The following IQGAP2 variants were observed in gnomAD, a reference collection of about 807,000 sequenced individuals.
The protein encoded by IQGAP2 is IQ motif containing GTPase activating protein 2, also known as ras GTPase-activating-like protein IQGAP2.
In IQGAP2, 173 loss-of-function variants were observed where a neutral mutation model predicts 201.3. That is an observed-to-expected ratio of 0.86 (90% CI 0.76 to 0.98). The LOEUF (loss-of-function observed/expected upper bound fraction) is 0.98. Ranked by LOEUF, IQGAP2 falls within the 50% of genes least tolerant of loss-of-function variation. IQGAP2 has a pLI of 0.00. For missense variants in IQGAP2, 1,687 were observed against 1,864.8 expected (o/e 0.90, Z 1.76); for synonymous variants, 675 against 673.9 (o/e 1.00, Z -0.03).
intron 12 of IQGAP2, chr5:76,608,140 A>G (rs181862116): frequency 1.3e-5 from 2 of 152,326 alleles, no homozygotes; most frequent in Admixed American, 1.3e-4. Flanking sequence ...GTCTTTTGTA[A>G]GTAGATATTA....
intron 14 of IQGAP2, among the ~76,000 whole-genome samples, chr5:76,630,737 G>A (rs1750629828): frequency 6.6e-6 from 1 of 152,020 alleles, no homozygotes; most frequent in African/African-American, 2.4e-5. Context: ...ATCCTACAAA[G>A]CTTTCCTGGA....
intron 4 of IQGAP2, among the ~76,000 whole-genome samples, chr5:76,573,855 C>G (rs972380674): frequency 6.6e-6 from 1 of 151,368 alleles, no homozygotes; most frequent in Non-Finnish European, 1.5e-5. Flanking sequence ...AACTCCTGAC[C>G]TCACGTGATC....
At chr5:76,487,672 T>A (rs960400437) in intron 2 of IQGAP2, among the ~76,000 whole-genome samples, 1 of 152,090 alleles carries the variant, frequency 6.6e-6, no homozygotes, top group African/African-American at 2.4e-5. Flanking sequence ...TGTATGTGCT[T>A]TTTTTTATGC....
At chr5:76,639,267 A>G (rs755488842) in intron 16 of IQGAP2, among the ~76,000 whole-genome samples, 11 of 152,018 alleles carry the variant, frequency 7.2e-5, no homozygotes, top group Admixed American at 1.3e-4. Context: ...GATTTTGTCA[A>G]TAAACAGATT....
intron 21 of IQGAP2, among the ~76,000 whole-genome samples, chr5:76,659,837 A>G (rs1015106005): frequency 2.6e-5 from 4 of 152,250 alleles, no homozygotes; most frequent in Middle Eastern, 3.4e-3. Context: ...ACTCCCTACA[A>G]AGACACACTG....
chr5:76,438,676 C>T (rs966820982), intron 1 of IQGAP2, among the ~76,000 whole-genome samples: 1 of 152,266 alleles, frequency 6.6e-6, no homozygotes, highest in East Asian at 1.9e-4. Context: ...CTCCTGACTT[C>T]AGGTGATCTA....
chr5:76,456,506 C>T (rs1331760681), intron 1 of IQGAP2, among the ~76,000 whole-genome samples: 1 of 152,172 alleles, frequency 6.6e-6, no homozygotes, highest in East Asian at 1.9e-4. Context: ...TTTAGGTTCT[C>T]TCATCTTTAT....
rs535393843 is a variant in IQGAP2, at chr5:76,513,933, G to A, written c.147-48463G>A. The stretch of plus-strand genomic sequence containing the variant: ...ATGTAAGACATTAATGGGCATAGGT[G>A]AGGGGCTATACGGAAATCCTGTACT... On this transcript the variant is annotated intron_variant, in intron 2 of 35. Transcript: ENST00000274364. 3.3e-5 allele frequency among the ~76,000 whole-genome samples: 5 copies of A among 151,852 alleles called. No individual in the cohort carries two copies. The East Asian group carries it at 9.7e-4, about 29-fold the overall frequency.
At chr5:76,701,438 A>G (rs562095035) in intron 34 of IQGAP2, among the ~76,000 whole-genome samples, 9 of 152,338 alleles carry the variant, frequency 5.9e-5, no homozygotes, top group African/African-American at 2.2e-4. Context: ...CTTGTGCAAT[A>G]TGTTTGGATT....
intron 3 of IQGAP2, among the ~76,000 whole-genome samples, chr5:76,569,513 A>G (rs1479854848): frequency 6.6e-6 from 1 of 152,218 alleles, no homozygotes; most frequent in East Asian, 1.9e-4. Flanking sequence ...ATTGGAACAC[A>G]TGGTTCAATC....
chr5:76,571,356 T>C (rs1332869228), intron 4 of IQGAP2, among the ~76,000 whole-genome samples: 1 of 151,996 alleles, frequency 6.6e-6, no homozygotes, highest in East Asian at 1.9e-4. Context: ...TGTTTTTGTT[T>C]TTGTTTTTGT....
At chr5:76,436,145 G>T (rs1323022639) in intron 1 of IQGAP2, among the ~76,000 whole-genome samples, 2 of 151,908 alleles carry the variant, frequency 1.3e-5, no homozygotes, top group East Asian at 1.9e-4. Context: ...CTAGATAAAT[G>T]ATCATATCAT....
chr5:76,619,798 G>A (rs548043790), intron 13 of IQGAP2, among the ~76,000 whole-genome samples: 5 of 152,246 alleles, frequency 3.3e-5, no homozygotes, highest in Non-Finnish European at 7.4e-5. Context: ...GATTACAGGC[G>A]TGAGCCACCG....
At chr5:76,417,724 G>A (rs372586384) in intron 1 of IQGAP2, among the ~76,000 whole-genome samples, 9 of 152,036 alleles carry the variant, frequency 5.9e-5, no homozygotes, top group African/African-American at 2.2e-4. Flanking sequence ...GGGATTACAG[G>A]TGTATGCCAC....
At chr5:76,468,478 A>G (rs374855222) in intron 2 of IQGAP2, among the ~76,000 whole-genome samples, 5 of 152,122 alleles carry the variant, frequency 3.3e-5, no homozygotes, top group African/African-American at 1.2e-4. Context: ...ATATCCAGCC[A>G]TCATCCTCCT....
chr5:76,667,561 G>A (rs910696795), intron 22 of IQGAP2, among the ~76,000 whole-genome samples: 2 of 152,132 alleles, frequency 1.3e-5, no homozygotes, highest in Non-Finnish European at 2.9e-5. Context: ...CACCATGAAG[G>A]CTGGTTCTGT....
Position 76,683,848 on chromosome 5 carries a change from C to A in IQGAP2, c.3836C>A (p.Ser1279Tyr), listed in dbSNP as rs1745515598. The stretch of plus-strand genomic sequence containing the variant: ...AGTCAGCTTTCAAAGACCGAGATTT[C>A]TCTTGTCTTGACAAGCAAATATGAC... ...TLSQLSKTEI[S>Y]LVLTSKYDIE... is the part of the protein sequence containing the mutation. Residue 1279 changes from serine (S) to tyrosine (Y), a missense_variant, in exon 30 of 36, where the codon TCT becomes TAT. By Grantham distance (144) the Ser-to-Tyr change is moderately radical. Transcript: ENST00000274364. The A allele has an allele frequency of 6.2e-7, 1 of 1,613,634 alleles. No homozygotes were observed. Among genetic ancestry groups the A allele is most frequent in the East Asian group, 2.2e-5 (1 of 44,840 alleles).
chr5:76,497,081 G>T (rs752627505), intron 2 of IQGAP2, among the ~76,000 whole-genome samples: 3 of 152,060 alleles, frequency 2.0e-5, no homozygotes, highest in Non-Finnish European at 4.4e-5. Context: ...ACCCACCTCA[G>T]CCTCTCAAAG....
chr5:76,627,908 G>A (rs1561528401), intron 14 of IQGAP2, among the ~76,000 whole-genome samples: 1 of 152,230 alleles, frequency 6.6e-6, no homozygotes, highest in East Asian at 1.9e-4. Context: ...GCTGATCATG[G>A]TGCAACTAGA....
Sources: allele counts gnomAD v4.1 joint callset (sites outside exome capture counted in the v4.1 genomes callset), GRCh38; gene constraint gnomAD v4.1.1; transcripts MANE v1.5; gene names NCBI Gene and HGNC (gene_info 2026-07-23, HGNC 2026-07-21).